The following CNGB3 variants were observed in gnomAD, a reference collection of about 807,000 sequenced individuals.
CNGB3 encodes cyclic nucleotide-gated channel beta-3.
Under a neutral mutation model 92.8 loss-of-function variants are expected in CNGB3, and 86 were observed. The ratio of observed to expected loss-of-function variants is 0.93; its 90% confidence interval spans 0.78 to 1.11. CNGB3 has a LOEUF of 1.11. CNGB3 is among the 50% of genes least tolerant of loss of function. The probability of loss-of-function intolerance (pLI) is 0.00; values close to 1 mark genes in which losing one functional copy is unlikely to be tolerated. For synonymous variants in CNGB3, 333 were observed against 332.7 expected, an observed-to-expected ratio of 1.00 and a Z score of -0.01; for missense variants, 1,026 against 956.8, an observed-to-expected ratio of 1.07 and a Z score of -0.95.
Position 86,647,893 on chromosome 8 carries a change from G to A in CNGB3, c.904-6C>T. Reference sequence around the variant, plus strand: ...ATTATTGATGCGACATCCAACTGTTGAAAGAACACATTCACAAATATGTTG... The same window carrying A: ...ATTATTGATGCGACATCCAACTGTTAAAAGAACACATTCACAAATATGTTG... On this transcript the variant is annotated splice_polypyrimidine_tract_variant and splice_region_variant and intron_variant, in intron 7 of 17. Transcript: ENST00000320005. The A allele has an allele frequency of 6.5e-7, 1 of 1,535,626 alleles. No individual in the cohort carries two copies. The highest frequency in any genetic ancestry group is 9.0e-7 in the Non-Finnish European group (1 of 1,109,680).
At chr8:86,679,072 A>G (rs116658100) in intron 3 of CNGB3, among the ~76,000 whole-genome samples, 85 of 152,262 alleles carry the variant, frequency 5.6e-4, no homozygotes, top group African/African-American at 2.0e-3. Flanking sequence ...AATGTTTGAT[A>G]CAATGTTCCT....
At chr8:86,701,761 G>A (rs1269455378) in intron 3 of CNGB3, among the ~76,000 whole-genome samples, 1 of 151,870 alleles carries the variant, frequency 6.6e-6, no homozygotes, top group African/African-American at 2.4e-5. Context: ...ATAACTACTG[G>A]GAAATGGTCA....
chr8:86,635,833 T>TAG (rs1248833886), intron 10 of CNGB3, among the ~76,000 whole-genome samples: 2 of 53,918 alleles, frequency 3.7e-5, no homozygotes, highest in African/African-American at 2.0e-4. Context: ...TATATATATA[T>TAG]ATATATATAT....
At chr8:86,728,747 CAT>C (rs1282002994) in intron 2 of CNGB3, among the ~76,000 whole-genome samples, 4 of 152,020 alleles carry the variant, frequency 2.6e-5, no homozygotes, top group Non-Finnish European at 5.9e-5. Flanking sequence ...GACCAAGAAA[CAT>C]GTTATGGATC....
intron 13 of CNGB3, among the ~76,000 whole-genome samples, chr8:86,613,718 T>C (rs1412958374): frequency 6.6e-6 from 1 of 151,798 alleles, no homozygotes; most frequent in African/African-American, 2.4e-5. Flanking sequence ...GTTTTAATTA[T>C]AATTTGTAAA....
chr8:86,624,393 T>C (rs907603559), intron 13 of CNGB3, among the ~76,000 whole-genome samples: 5 of 152,204 alleles, frequency 3.3e-5, no homozygotes, highest in African/African-American at 9.6e-5. Flanking sequence ...TACTCCAGCC[T>C]GGACAACAGA....
At chr8:86,585,711 T>C (rs1022796056) in intron 15 of CNGB3, among the ~76,000 whole-genome samples, 1 of 152,104 alleles carries the variant, frequency 6.6e-6, no homozygotes, top group Non-Finnish European at 1.5e-5. Context: ...GGCAGAAATA[T>C]CTCCTGAAGG....
chr8:86,616,803 T>A (rs9650132), intron 13 of CNGB3, among the ~76,000 whole-genome samples: 22,330 of 152,218 alleles, frequency 0.15, 2,338 homozygotes, highest in Admixed American at 0.34. Context: ...AGATAAGAAC[T>A]GGAGTCCCAG....
intron 2 of CNGB3, among the ~76,000 whole-genome samples, chr8:86,734,954 C>T (rs747035824): frequency 6.7e-6 from 1 of 149,176 alleles, no homozygotes; most frequent in Non-Finnish European, 1.5e-5. Flanking sequence ...AAATGACACT[C>T]AAAGATGTTA....
At chr8:86,665,576 C>T (rs762116119) in intron 6 of CNGB3, among the ~76,000 whole-genome samples, 6 of 152,142 alleles carry the variant, frequency 3.9e-5, no homozygotes, top group Non-Finnish European at 8.8e-5. Flanking sequence ...CACCATGGAA[C>T]GAGATCATGT....
intron 11 of CNGB3, among the ~76,000 whole-genome samples, chr8:86,630,516 G>A (rs1246032120): frequency 6.6e-6 from 1 of 152,084 alleles, no homozygotes; most frequent in Non-Finnish European, 1.5e-5. Flanking sequence ...GAGTATGAGA[G>A]GAAGAAAAAT....
chr8:86,698,257 T>C (rs941939440), intron 3 of CNGB3, among the ~76,000 whole-genome samples: 2 of 152,230 alleles, frequency 1.3e-5, no homozygotes, highest in Non-Finnish European at 2.9e-5. Flanking sequence ...TCATTTGTTA[T>C]TTAGATAGTC....
chr8:86,702,149 G>T (rs1435047648), intron 3 of CNGB3, among the ~76,000 whole-genome samples: 1 of 152,122 alleles, frequency 6.6e-6, no homozygotes, highest in African/African-American at 2.4e-5. Flanking sequence ...TACTTTTAAG[G>T]CATTAAGAGG....
At chr8:86,689,988 G>A (rs765300413) in intron 3 of CNGB3, among the ~76,000 whole-genome samples, 62 of 152,188 alleles carry the variant, frequency 4.1e-4, no homozygotes, top group Non-Finnish European at 8.1e-4. Flanking sequence ...TTGGTTCCAA[G>A]TCTTTGCTAT....
At chr8:86,724,549 A>C (rs1825026345) in intron 3 of CNGB3, among the ~76,000 whole-genome samples, 1 of 152,132 alleles carries the variant, frequency 6.6e-6, no homozygotes, top group Admixed American at 6.6e-5. Context: ...CTAATCATCA[A>C]CAAAAACAGG....
intron 14 of CNGB3, among the ~76,000 whole-genome samples, chr8:86,606,707 A>C (rs1487944686): frequency 6.6e-6 from 1 of 152,230 alleles, no homozygotes; most frequent in East Asian, 1.9e-4. Context: ...AATTCTTGCA[A>C]AAATCCGAGT....
chr8:86,644,533 GA>G (rs1263829954), intron 9 of CNGB3, 88 bp downstream of exon 9: 1 of 1,518,928 alleles, frequency 6.6e-7, no homozygotes, highest in African/African-American at 1.4e-5. Flanking sequence ...TTTTTTTGAA[GA>G]GGGGGGTCAT....
At chr8:86,588,144 G>T (rs1210262728) in intron 15 of CNGB3, among the ~76,000 whole-genome samples, 1 of 145,490 alleles carries the variant, frequency 6.9e-6, no homozygotes, top group Non-Finnish European at 1.5e-5. Flanking sequence ...CTGTTTGTCT[G>T]TTGTTGGTGT....
chr8:86,737,286 G>A (rs77267163), intron 2 of CNGB3, among the ~76,000 whole-genome samples: 14,783 of 152,048 alleles, frequency 0.097, 937 homozygotes, highest in Non-Finnish European at 0.15. Flanking sequence ...ATTGTAAAAA[G>A]TATAAATATA....
Sources: gnomAD v4.1 joint callset for allele counts (sites outside exome capture counted in the v4.1 genomes callset) on GRCh38, gnomAD v4.1.1 for gene constraint, MANE v1.5 for transcripts, NCBI Gene and HGNC (gene_info 2026-07-23, HGNC 2026-07-21) for gene names.